The following DNASE2B variants were observed in gnomAD, a reference collection of about 807,000 sequenced individuals.
DNASE2B encodes deoxyribonuclease-2-beta.
Under a neutral mutation model 46.0 loss-of-function variants are expected in DNASE2B, and 43 were observed. The ratio of observed to expected loss-of-function variants is 0.94; its 90% confidence interval spans 0.73 to 1.21. DNASE2B has a LOEUF of 1.21. Ranked by LOEUF, DNASE2B falls within the 50% of genes most tolerant of loss-of-function variation. The pLI is 0.00. For synonymous variants in DNASE2B, 156 were observed against 152.5 expected (o/e 1.02, Z -0.17); for missense variants, 395 against 414.4 (o/e 0.95, Z 0.41).
At chr1:84,402,189 T>C in intron 2 of DNASE2B, 111 bp downstream of exon 2, 1 of 1,060,902 alleles carries the variant, frequency 9.4e-7, no homozygotes, top group East Asian at 2.9e-5. Flanking sequence ...TCCTAGCACC[T>C]TGAAGTGAGC....
In DNASE2B at chr1:84,415,012, C is replaced by T. The variant is rs2101856419; in HGVS notation, c.*144C>T. The T allele has an allele frequency of 1.6e-6, 1 of 612,980 alleles. No homozygotes were observed. Among genetic ancestry groups the T allele is most frequent in the South Asian group, 2.5e-5 (1 of 40,044 alleles). The allele number at this position is 612,980 out of a possible 1,614,324, so 38.0% of individuals were successfully genotyped here. ...TAAAACATTTTTCTCTCATGTTTAC[C>T]ATTTAATCTTCTATTTAATGGTAAT... On this transcript the variant is annotated 3_prime_UTR_variant, in exon 6 of 6. Transcript: ENST00000370665.
chr1:84,401,465 G>T (rs1246386), intron 1 of DNASE2B, among the ~76,000 whole-genome samples: 78,918 of 152,050 alleles, frequency 0.52, 20,584 homozygotes, highest in East Asian at 0.58. Flanking sequence ...CAGAGTATTC[G>T]GATAAACTGA....
chr1:84,402,030 T>C lies in DNASE2B; in HGVS notation c.255T>C (p.Ser85=). Residue 85 remains serine (S), a synonymous_variant, in exon 2 of 6, where the codon AGT becomes AGC. Coordinates refer to ENST00000370665, the MANE Select transcript of DNASE2B (RefSeq NM_021233.3). ...KSEQLMNDTK[S]VLGRTLQQLY... ...AGCAACTAATGAATGACACCAAGAG[T>C]GTTTTGGGAAGGACATTACAACAGC... is the stretch of plus-strand genomic sequence containing the variant. The C allele has an allele frequency of 6.2e-7, 1 of 1,608,624 alleles. No homozygotes were observed. The highest frequency in any genetic ancestry group is 2.2e-5 in the East Asian group (1 of 44,470).
chr1:84,414,885 CAG>C lies in DNASE2B; in HGVS notation c.*18_*19del. 1 of 1,565,790 alleles carries C rather than the reference CAG, an allele frequency of 6.4e-7. No individual in the cohort carries two copies. Among genetic ancestry groups the C allele is most frequent in the South Asian group, 1.2e-5 (1 of 86,252 alleles). ...TGTAAGTAAACTTGGTGAAAGGACA[CAG>C]GTACTATCATTGAAAACCTTGACAA... is the stretch of plus-strand genomic sequence containing the variant. On this transcript the variant is annotated 3_prime_UTR_variant, in exon 6 of 6. Transcript: ENST00000370665.
At chr1:84,412,812 T>C (rs996245179) in intron 5 of DNASE2B, among the ~76,000 whole-genome samples, 1 of 151,830 alleles carries the variant, frequency 6.6e-6, no homozygotes, top group African/African-American at 2.4e-5. Context: ...GCCATCTCCA[T>C]TTCTTCCATT....
rs1478433113 is a variant in DNASE2B, at chr1:84,411,074, G to A, written c.547+75G>A. The A allele has an allele frequency of 4.1e-6, 6 of 1,450,462 alleles. No homozygotes were observed. The African/African-American group carries it at 8.5e-5, about 21-fold the overall frequency. The allele number at this position is 1,450,462 out of a possible 1,614,324, so 89.8% of individuals were successfully genotyped here. On this transcript the variant is annotated intron_variant, in intron 4 of 5. Transcript: ENST00000370665. ...GATTTGGAAATATATTCATAAATGT[G>A]TCACTTCATTTGTTAATCTATTCAT...
At chr1:84,413,173 T>C (rs931978373) in intron 5 of DNASE2B, among the ~76,000 whole-genome samples, 6 of 152,124 alleles carry the variant, frequency 3.9e-5, no homozygotes, top group African/African-American at 1.4e-4. Flanking sequence ...AAACCCTCCC[T>C]CAACTCTAAA....
intron 2 of DNASE2B, among the ~76,000 whole-genome samples, chr1:84,403,238 C>G (rs1470408754): frequency 2.0e-5 from 3 of 152,290 alleles, no homozygotes; most frequent in Middle Eastern, 3.4e-3. Context: ...AATTTATGTA[C>G]AACTTTTGAC....
At chr1:84,400,390 C>A (rs1343304561) in intron 1 of DNASE2B, among the ~76,000 whole-genome samples, 1 of 151,874 alleles carries the variant, frequency 6.6e-6, no homozygotes, top group African/African-American at 2.4e-5. Flanking sequence ...AAAAACAAAA[C>A]AAGAAAGAAA....
At chr1:84,414,500 T>C in intron 5 of DNASE2B, 28 bp from the exon 6 acceptor site, 1 of 1,555,616 alleles carries the variant, frequency 6.4e-7, no homozygotes, top group South Asian at 1.2e-5. Flanking sequence ...AATACCAACC[T>C]CACTATCTTT....
At chr1:84,411,356 T>TACA (rs1196435975) in intron 4 of DNASE2B, among the ~76,000 whole-genome samples, 1 of 152,066 alleles carries the variant, frequency 6.6e-6, no homozygotes, top group Non-Finnish European at 1.5e-5. Context: ...CATCATACTG[T>TACA]GGCTCTACAG....
intron 2 of DNASE2B, among the ~76,000 whole-genome samples, chr1:84,407,274 C>A (rs1018980727): frequency 2.0e-5 from 3 of 152,180 alleles, no homozygotes; most frequent in South Asian, 2.1e-4. Flanking sequence ...CCCAAAGGCA[C>A]ACAAATGGCC....
chr1:84,414,559 G>A lies in DNASE2B; in HGVS notation c.777G>A (p.Leu259=). Residue 259 remains leucine (L), a synonymous_variant, in exon 6 of 6, where the codon CTG becomes CTA. Transcript: ENST00000370665. ...TTGCAGCCTGGATGGCTCAACGGCTGAAGACACACTTGTTAACAGAAACCT... is the reference window on the plus strand; with the variant it reads ...TTGCAGCCTGGATGGCTCAACGGCTAAAGACACACTTGTTAACAGAAACCT... ...DIFAAWMAQR[L]KTHLLTETWQ... 6.2e-7 allele frequency: 1 copy of A among 1,613,430 alleles called. No homozygotes were observed. The highest frequency in any genetic ancestry group is 8.5e-7 in the Non-Finnish European group (1 of 1,179,722).
chr1:84,401,544 C>G (rs1434192668), intron 1 of DNASE2B, among the ~76,000 whole-genome samples: 3 of 152,218 alleles, frequency 2.0e-5, no homozygotes, highest in African/African-American at 7.2e-5. Context: ...AAACCCAAAT[C>G]TCATATCCAG....
chr1:84,398,675 G>A lies in DNASE2B; in HGVS notation c.111G>A (p.Gly37=), dbSNP rs958757509. 6.2e-7 allele frequency: 1 copy of A among 1,613,876 alleles called. No homozygotes were observed. Among genetic ancestry groups the A allele is most frequent in the Non-Finnish European group, 8.5e-7 (1 of 1,179,782 alleles). The part of the protein sequence containing the change: ...AATISCRNEE[G]KAVDWFTFYK... ...CAATTTCATGCAGAAATGAAGAAGG[G>A]AAAGCTGTGGACTGGTAGGTAAATG... The change falls in exon 1 of 6, where the codon GGG becomes GGA. Residue 37 remains glycine (G), a synonymous_variant. Transcript: ENST00000370665.
chr1:84,410,802 T>C, intron 3 of DNASE2B, 36 bp from the exon 4 acceptor site: 2 of 1,589,758 alleles, frequency 1.3e-6, no homozygotes, highest in Non-Finnish European at 1.7e-6. Context: ...AAGCTTTGTT[T>C]TTCTGATTTA....
chr1:84,401,072 T>C (rs1407079123), intron 1 of DNASE2B, among the ~76,000 whole-genome samples: 1 of 152,244 alleles, frequency 6.6e-6, no homozygotes, highest in Non-Finnish European at 1.5e-5. Context: ...GGGTTAATGG[T>C]GGGGTTCATG....
chr1:84,405,894 C>T (rs1040553482), intron 2 of DNASE2B, among the ~76,000 whole-genome samples: 2 of 152,006 alleles, frequency 1.3e-5, no homozygotes, highest in African/African-American at 4.8e-5. Flanking sequence ...CATGTTTGGT[C>T]TATGTTTGTA....
chr1:84,414,565 A>G lies in DNASE2B; in HGVS notation c.783A>G (p.Thr261=), dbSNP rs748539735. ...CCTGGATGGCTCAACGGCTGAAGAC[A>G]CACTTGTTAACAGAAACCTGGCAGC... ...FAAWMAQRLK[T]HLLTETWQRK... Residue 261 remains threonine (T), a synonymous_variant, in exon 6 of 6, where the codon ACA becomes ACG. Transcript: ENST00000370665. 6.2e-7 allele frequency: 1 copy of G among 1,613,790 alleles called. No homozygotes were observed. The highest frequency in any genetic ancestry group is 1.7e-5 in the Admixed American group (1 of 59,978).
Sources: gnomAD v4.1 joint callset for allele counts (sites outside exome capture counted in the v4.1 genomes callset) on GRCh38, gnomAD v4.1.1 for gene constraint, MANE v1.5 for transcripts, NCBI Gene and HGNC (gene_info 2026-07-23, HGNC 2026-07-21) for gene names.